The following AKAP11 variants were observed in gnomAD, a reference collection of about 807,000 sequenced individuals.
AKAP11 encodes A-kinase anchor protein 11.
In AKAP11, 36 loss-of-function variants were observed where a neutral mutation model predicts 146.1. The observed-to-expected ratio is 0.25, with a 90% confidence interval of 0.19 to 0.33. AKAP11 has a LOEUF of 0.33. Ranked by LOEUF, AKAP11 falls within the 10% of genes least tolerant of loss-of-function variation. AKAP11 has a pLI of 1.00. For synonymous variants in AKAP11, 780 were observed against 786.5 expected (o/e 0.99, Z 0.14); for missense variants, 2,201 against 2,197.0 (o/e 1.00, Z -0.04).
At position 42,299,429 on chromosome 13, in the gene AKAP11, T is replaced by C. The variant is rs954189519; in HGVS notation, c.683T>C (p.Leu228Ser). The part of the protein sequence containing the change: ...AASQTVTGHH[L>S]ETHDLKILIS... ...TCCCAGACGGTTACTGGTCATCATT[T>C]AGAAACCCATGATTTAAAGATTCTC... is the stretch of plus-strand genomic sequence containing the variant. The change falls in exon 8 of 13, where the codon TTA becomes TCA. Residue 228 changes from leucine (L) to serine (S), a missense_variant. By Grantham distance (145) the Leu-to-Ser change is moderately radical (BLOSUM62 -2). Coordinates refer to ENST00000025301, the MANE Select transcript of AKAP11 (RefSeq NM_016248.4). The C allele has an allele frequency of 1.2e-6, 2 of 1,613,770 alleles. No individual in the cohort carries two copies. Among genetic ancestry groups the C allele is most frequent in the Admixed American group, 1.7e-5 (1 of 59,970 alleles).
rs772417714 is a variant in AKAP11 at position 42,299,680 on chromosome 13, TCAAGTC to T, written c.942_947del (p.Ser315_Pro316del). On this transcript the variant is annotated inframe_deletion, in exon 8 of 13. Transcript: ENST00000025301. The stretch of plus-strand genomic sequence containing the variant: ...TGCCTACTCATCTGAATCAGAATGT[TCAAGTC>T]CAAGTCCTGTTATTTTCTTGGATGA... 1 of 1,613,948 alleles carries T rather than the reference TCAAGTC, an allele frequency of 6.2e-7. No homozygotes were observed. The highest frequency in any genetic ancestry group is 2.2e-5 in the East Asian group (1 of 44,876).
chr13:42,313,234 C>T lies in AKAP11; in HGVS notation c.5357+104C>T, dbSNP rs1296014807. ...GGTTACAGTGCCAGTATGTATCAAC[C>T]TGCTTTTCTCCTATATTTTGACATG... On this transcript the variant is annotated intron_variant, in intron 10 of 12. Transcript: ENST00000025301. 9 of 754,818 alleles carry T rather than the reference C, an allele frequency of 1.2e-5. No homozygotes were observed. The African/African-American group carries it at 1.6e-4, about 14-fold the overall frequency. The allele number at this position is 754,818 out of a possible 1,614,324, so 46.8% of individuals were successfully genotyped here. A position where few individuals can be genotyped will look rare whatever the true frequency, so the allele number is the denominator to read the frequency against.
intron 3 of AKAP11, among the ~76,000 whole-genome samples, chr13:42,291,909 T>C (rs1317610153): frequency 6.6e-6 from 1 of 152,196 alleles, no homozygotes; most frequent in African/African-American, 2.4e-5. Flanking sequence ...TGGAAAACCT[T>C]ATTTTGGATT....
chr13:42,313,959 CAA>C lies in AKAP11; in HGVS notation c.5404+21_5404+22del, dbSNP rs745602486. 1.2e-6 allele frequency: 2 copies of C among 1,612,632 alleles called. No individual in the cohort carries two copies. The highest frequency in any genetic ancestry group is 4.5e-5 in the East Asian group (2 of 44,786). On this transcript the variant is annotated intron_variant, in intron 11 of 12. Transcript: ENST00000025301. ...GTAGAAGGTAATTTGATTTGTTTTT[CAA>C]AGTGTTGGCATGTGTTTTGTATAAG...
intron 8 of AKAP11, among the ~76,000 whole-genome samples, chr13:42,305,586 AT>A (rs1308064368): frequency 1.3e-5 from 2 of 152,180 alleles, no homozygotes; most frequent in Non-Finnish European, 2.9e-5. Flanking sequence ...TGAAATTCAA[AT>A]TTCAGTATTT....
chr13:42,311,099 C>T (rs1014187862), intron 9 of AKAP11, among the ~76,000 whole-genome samples: 3 of 152,012 alleles, frequency 2.0e-5, no homozygotes, highest in Admixed American at 2.0e-4. Context: ...AGGGATGGGG[C>T]CAGATTTGCA....
rs535434918 is a variant in AKAP11, at chr13:42,274,677, T to C, written c.-100+2449T>C. 3.9e-5 allele frequency among the ~76,000 whole-genome samples: 6 copies of C among 152,332 alleles called. No homozygotes were observed. In the East Asian group the frequency reaches 9.6e-4, roughly 24 times the overall value. Reference sequence around the variant, plus strand: ...TCCACCCTGGGCGACTGAGTGAGACTCTGCCTCAAAAAACAACAACAAAAA... The same window carrying C: ...TCCACCCTGGGCGACTGAGTGAGACCCTGCCTCAAAAAACAACAACAAAAA... On this transcript the variant is annotated intron_variant, in intron 1 of 12. Coordinates refer to ENST00000025301, the MANE Select transcript of AKAP11 (RefSeq NM_016248.4).
rs769850069 is a variant in AKAP11 at position 42,302,585 on chromosome 13, G to A, written c.3839G>A (p.Cys1280Tyr). The change falls in exon 8 of 13, where the codon TGT becomes TAT. Residue 1280 changes from cysteine (C) to tyrosine (Y), a missense_variant. Cys to Tyr is a radical substitution (Grantham distance 194, BLOSUM62 -2). This residue lies in a region of AKAP11 where 1,867 missense variants were observed against 1,833.5 expected (regional missense o/e 1.02). Coordinates refer to ENST00000025301, the MANE Select transcript of AKAP11 (RefSeq NM_016248.4). ...GAGAAAATAGCAAAAGTCCGAAATT[G>A]TATGCTTTTCAAGCAAAAGAAGAAC... ...EAEKIAKVRN[C>Y]MLFKQKKNSC... The A allele has an allele frequency of 2.5e-6, 4 of 1,614,054 alleles. No homozygotes were observed. The highest frequency in any genetic ancestry group is 1.3e-5 in the African/African-American group (1 of 74,936).
intron 1 of AKAP11, among the ~76,000 whole-genome samples, chr13:42,277,751 G>A (rs1958960827): frequency 6.6e-6 from 1 of 152,132 alleles, no homozygotes; most frequent in Non-Finnish European, 1.5e-5. Context: ...ATCTATAGTT[G>A]CTTATTATGA....
chr13:42,299,861 G>T lies in AKAP11; in HGVS notation c.1115G>T (p.Cys372Phe), dbSNP rs762956826. 2.0e-5 allele frequency: 32 copies of T among 1,613,806 alleles called. No homozygotes were observed. The highest frequency in any genetic ancestry group is 2.5e-5 in the Non-Finnish European group (30 of 1,179,864). The change falls in exon 8 of 13, where the codon TGC (cysteine) becomes TTC (phenylalanine). Residue 372 changes from cysteine to phenylalanine, a missense_variant. Cys to Phe is a radical substitution (Grantham distance 205). This residue lies in a region of AKAP11 where 1,867 missense variants were observed against 1,833.5 expected (regional missense o/e 1.02). Coordinates refer to ENST00000025301, the MANE Select transcript of AKAP11 (RefSeq NM_016248.4). ...FDELEQTLET[C>F]LFNKDPVIGK... ...GAACTAGAACAAACTTTAGAGACTT[G>T]CCTGTTTAACAAAGATCCCGTCATA...
Position 42,300,005 on chromosome 13 carries a change from C to G in AKAP11, c.1259C>G (p.Pro420Arg). Residue 420 changes from proline to arginine, a missense_variant, in exon 8 of 13, where the codon CCA (proline) becomes CGA (arginine). Pro to Arg is a moderately radical substitution (Grantham distance 103). Around this residue, in one of 3 missense-constraint regions of AKAP11, gnomAD observed 1,867 missense variants for 1,833.5 expected, o/e 1.02. Coordinates refer to ENST00000025301, the MANE Select transcript of AKAP11 (RefSeq NM_016248.4). ...GTTAGAAAGCCAACTCCTCGTAAAC[C>G]AGAATCTCCATATGGTAACCTGTGT... ...ANVRKPTPRK[P>R]ESPYGNLCDA... The G allele has an allele frequency of 1.9e-6, 3 of 1,613,938 alleles. No homozygotes were observed. The highest frequency in any genetic ancestry group is 1.7e-6 in the Non-Finnish European group (2 of 1,179,838).
At position 42,319,173 on chromosome 13, in the gene AKAP11, C is replaced by T; in HGVS notation, c.5651C>T (p.Ala1884Val). Residue 1884 changes from alanine to valine, a missense_variant, in exon 13 of 13, where the codon GCT (alanine) becomes GTT (valine). Transcript: ENST00000025301. ...VLQYYEVMEK[A>V]SSEERCKSLF... is the part of the protein sequence containing the mutation. Reference sequence around the variant, plus strand: ...CAATACTATGAAGTGATGGAAAAAGCTTCCAGTGAGGAGAGATGCAAGTCG... The same window carrying T: ...CAATACTATGAAGTGATGGAAAAAGTTTCCAGTGAGGAGAGATGCAAGTCG... 6.2e-7 allele frequency: 1 copy of T among 1,614,018 alleles called. No homozygotes were observed. The highest frequency in any genetic ancestry group is 8.5e-7 in the Non-Finnish European group (1 of 1,179,954).
intron 7 of AKAP11, 29 bp downstream of exon 7, chr13:42,298,826 A>G (rs372894370): frequency 6.5e-7 from 1 of 1,534,194 alleles, no homozygotes; most frequent in South Asian, 1.3e-5. Context: ...TTTTTCCTAA[A>G]ATAGGGAATT....
chr13:42,286,393 C>A lies in AKAP11; in HGVS notation c.45C>A (p.Val15=). ...ATCACATGAAGACTAAAGCATCTGT[C>A]AGAAAAGTAAGTTCACTCTATTAGG... The part of the protein sequence containing the change: ...RNNHMKTKAS[V]RKSFSEDVFQ... The change falls in exon 3 of 13, where the codon GTC becomes GTA. Residue 15 remains valine, a synonymous_variant. Transcript: ENST00000025301. 1 of 1,596,838 alleles carries A rather than the reference C, an allele frequency of 6.3e-7. No individual in the cohort carries two copies. The highest frequency in any genetic ancestry group is 8.5e-7 in the Non-Finnish European group (1 of 1,173,226).
In AKAP11 at chr13:42,303,153, T is replaced by A; in HGVS notation, c.4407T>A (p.Ala1469=). The A allele has an allele frequency of 6.2e-7, 1 of 1,614,182 alleles. No homozygotes were observed. The highest frequency in any genetic ancestry group is 8.5e-7 in the Non-Finnish European group (1 of 1,180,026). The change falls in exon 8 of 13, where the codon GCT becomes GCA. Residue 1469 remains alanine, a synonymous_variant. Transcript: ENST00000025301. ...TSLVHSITKD[A]KEELTASLVG... ...TGGTTCACAGCATAACAAAAGATGC[T>A]AAGGAAGAGTTGACAGCCTCTCTAG...
chr13:42,311,321 TAAGTG>T (rs1268030386), intron 9 of AKAP11, among the ~76,000 whole-genome samples: 1 of 152,186 alleles, frequency 6.6e-6, no homozygotes, highest in African/African-American at 2.4e-5. Flanking sequence ...GGAAAACTCT[TAAGTG>T]AAGAAATTAA....
At position 42,319,405 on chromosome 13, in the gene AKAP11, T is replaced by A. The variant is rs1432145517; in HGVS notation, c.*177T>A. 2 of 762,230 alleles carry A rather than the reference T, an allele frequency of 2.6e-6. No individual in the cohort carries two copies. The highest frequency in any genetic ancestry group is 3.5e-5 in the African/African-American group (2 of 56,540). 47.2% of individuals were successfully genotyped at this position (762,230 alleles called of 1,614,324 possible). The stretch of plus-strand genomic sequence containing the variant: ...ACTCGGTGTATATAGTTCATACTTT[T>A]GTAATCTGTCAAAATACTACCTTCA... On this transcript the variant is annotated 3_prime_UTR_variant, in exon 13 of 13. Coordinates refer to ENST00000025301, the MANE Select transcript of AKAP11 (RefSeq NM_016248.4).
intron 1 of AKAP11, among the ~76,000 whole-genome samples, chr13:42,272,712 C>T (rs1958806460): frequency 6.6e-6 from 1 of 152,178 alleles, no homozygotes; most frequent in South Asian, 2.1e-4. Flanking sequence ...GCCTTGGAAG[C>T]AGGCGCTGCT....
At chr13:42,284,795 A>G (rs1176952560) in intron 1 of AKAP11, among the ~76,000 whole-genome samples, 1 of 152,236 alleles carries the variant, frequency 6.6e-6, no homozygotes, top group Non-Finnish European at 1.5e-5. Context: ...AGGGAGACGC[A>G]TGATCGTCTT....
Sources: gnomAD v4.1 joint callset for allele counts (sites outside exome capture counted in the v4.1 genomes callset) on GRCh38, gnomAD v4.1.1 for gene constraint, gnomAD v4.1.1 regional missense constraint, MANE v1.5 for transcripts, NCBI Gene and HGNC (gene_info 2026-07-23, HGNC 2026-07-21) for gene names.